The following MARCHF3 variants were observed in gnomAD, a reference collection of about 807,000 sequenced individuals.
MARCHF3 encodes membrane associated ring-CH-type finger 3, also known as E3 ubiquitin-protein ligase MARCHF3.
MARCHF3 carries 13 observed loss-of-function variants against 24.2 expected under a neutral mutation model. The ratio of observed to expected loss-of-function variants is 0.54; its 90% CI spans 0.35 to 0.85. The LOEUF (loss-of-function observed/expected upper bound fraction) is 0.85, where lower values mean the gene tolerates loss of function less well. MARCHF3 is among the 40% of genes least tolerant of loss of function. The probability of loss-of-function intolerance (pLI) is 0.01; values close to 1 mark genes in which losing one functional copy is unlikely to be tolerated. For missense variants in MARCHF3, 276 were observed against 325.0 expected (o/e 0.85, Z 1.16); for synonymous variants, 144 against 137.3 (o/e 1.05, Z -0.34).
chr5:126,989,639 G>A lies in MARCHF3; in HGVS notation c.-57+40711C>T, dbSNP rs1005546213. ...TTCCCTCAGCTGGGGAGTGAGATTT[G>A]TAGAGTGTTCAGCACTACTGTGATC... On this transcript the variant is annotated intron_variant, in intron 1 of 4. Transcript: ENST00000308660. Among the ~76,000 whole-genome samples the A allele has an allele frequency of 3.6e-4, 55 of 152,260 alleles. 1 individual carries two copies. Among genetic ancestry groups the A allele is most frequent in the African/African-American group, 1.3e-3 (55 of 41,550 alleles).
chr5:126,969,914 CA>C (rs1750941862), intron 1 of MARCHF3, among the ~76,000 whole-genome samples: 1 of 152,132 alleles, frequency 6.6e-6, no homozygotes, highest in South Asian at 2.1e-4. Context: ...GCTTACCAAA[CA>C]TTGACCAAGC....
intron 1 of MARCHF3, among the ~76,000 whole-genome samples, chr5:126,992,688 A>C (rs912826931): frequency 1.3e-5 from 2 of 151,476 alleles, no homozygotes; most frequent in African/African-American, 4.9e-5. Context: ...ATTACCATAG[A>C]ACTCTGACGA....
At chr5:126,889,025 A>G (rs530414538) in intron 3 of MARCHF3, among the ~76,000 whole-genome samples, 2 of 152,290 alleles carry the variant, frequency 1.3e-5, no homozygotes, top group African/African-American at 4.8e-5. Context: ...TTGGCCTCCC[A>G]AAGTGCTGGG....
chr5:126,906,349 T>C (rs1459392212), intron 3 of MARCHF3, among the ~76,000 whole-genome samples: 1 of 152,238 alleles, frequency 6.6e-6, no homozygotes, highest in Non-Finnish European at 1.5e-5. Context: ...TTAGGGAGGA[T>C]TCCCTCTTTG....
At chr5:126,985,848 T>C (rs980379437) in intron 1 of MARCHF3, among the ~76,000 whole-genome samples, 1 of 152,178 alleles carries the variant, frequency 6.6e-6, no homozygotes, top group Non-Finnish European at 1.5e-5. Context: ...GATTCTTAAA[T>C]ACACGTTTGC....
chr5:126,969,811 G>A (rs916199162), intron 1 of MARCHF3, among the ~76,000 whole-genome samples: 1 of 152,164 alleles, frequency 6.6e-6, no homozygotes, highest in African/African-American at 2.4e-5. Flanking sequence ...CCATTAATTT[G>A]CATTTCTAAT....
intron 1 of MARCHF3, among the ~76,000 whole-genome samples, chr5:126,982,680 TG>T (rs1208979272): frequency 6.6e-6 from 1 of 152,218 alleles, no homozygotes; most frequent in Non-Finnish European, 1.5e-5. Context: ...AATGGCTAGC[TG>T]TAACATCTGG....
At chr5:126,876,325 A>G (rs1414883599) in intron 4 of MARCHF3, among the ~76,000 whole-genome samples, 2 of 152,236 alleles carry the variant, frequency 1.3e-5, no homozygotes, top group African/African-American at 4.8e-5. Context: ...TCTTCTAAAA[A>G]AAATTATAGA....
chr5:126,997,417 T>C (rs1580719066), intron 1 of MARCHF3, among the ~76,000 whole-genome samples: 1 of 152,198 alleles, frequency 6.6e-6, no homozygotes, highest in East Asian at 1.9e-4. Context: ...AAAAACATGG[T>C]GGGCTTTTCA....
At chr5:127,026,098 A>T (rs1252159817) in intron 1 of MARCHF3, among the ~76,000 whole-genome samples, 1 of 138,922 alleles carries the variant, frequency 7.2e-6, no homozygotes, top group East Asian at 2.0e-4. Context: ...TGCCATAGCT[A>T]AAAAAAAAAA....
At chr5:126,926,914 T>G (rs1455641404) in intron 1 of MARCHF3, among the ~76,000 whole-genome samples, 1 of 152,074 alleles carries the variant, frequency 6.6e-6, no homozygotes, top group African/African-American at 2.4e-5. Context: ...ACCTTCCAGA[T>G]CCCACCTCTA....
chr5:126,879,944 A>T (rs553230623), intron 3 of MARCHF3, among the ~76,000 whole-genome samples: 29 of 152,210 alleles, frequency 1.9e-4, no homozygotes, highest in African/African-American at 6.7e-4. Flanking sequence ...CTTGCCAAAC[A>T]GGAGCACTGG....
chr5:126,923,345 A>G (rs1178447405), intron 1 of MARCHF3, among the ~76,000 whole-genome samples: 1 of 152,228 alleles, frequency 6.6e-6, no homozygotes, highest in Non-Finnish European at 1.5e-5. Flanking sequence ...CGACATTTTC[A>G]GTGCCAAGTC....
chr5:126,888,698 T>G (rs10040840), intron 3 of MARCHF3, among the ~76,000 whole-genome samples: 20,035 of 152,204 alleles, frequency 0.13, 3,328 homozygotes, highest in African/African-American at 0.39. Context: ...GTTTTTAGAA[T>G]AAATTGATAA....
intron 1 of MARCHF3, among the ~76,000 whole-genome samples, chr5:126,962,836 T>TGTGC (rs1554069034): frequency 3.7e-5 from 5 of 133,970 alleles, no homozygotes; most frequent in Non-Finnish European, 6.1e-5. Flanking sequence ...TGTGTGTGCG[T>TGTGC]GTGTGTGTGT....
At chr5:126,987,906 T>C (rs975545672) in intron 1 of MARCHF3, among the ~76,000 whole-genome samples, 7 of 152,120 alleles carry the variant, frequency 4.6e-5, no homozygotes, top group Non-Finnish European at 1.0e-4. Flanking sequence ...CAGAGGACTC[T>C]TGATCTATAA....
intron 1 of MARCHF3, among the ~76,000 whole-genome samples, chr5:126,955,142 A>G (rs1750397148): frequency 6.6e-6 from 1 of 152,230 alleles, no homozygotes; most frequent in Admixed American, 6.5e-5. Flanking sequence ...CACCATATTC[A>G]TTCATTCAAC....
At chr5:126,922,539 T>TATTTATTTATTA (rs1259699433) in intron 1 of MARCHF3, among the ~76,000 whole-genome samples, 12 of 150,532 alleles carry the variant, frequency 8.0e-5, no homozygotes, top group South Asian at 4.2e-4. Context: ...TTTATTTATT[T>TATTTATTTATTA]ATTTATTTAT....
chr5:126,998,983 G>A (rs181859481), intron 1 of MARCHF3, among the ~76,000 whole-genome samples: 13 of 152,290 alleles, frequency 8.5e-5, no homozygotes, highest in African/African-American at 3.1e-4. Context: ...AAAATCCAGA[G>A]AGGCTCCCAG....
Sources: allele counts gnomAD v4.1 joint callset (sites outside exome capture counted in the v4.1 genomes callset), GRCh38; gene constraint gnomAD v4.1.1; transcripts MANE v1.5; gene names NCBI Gene and HGNC (gene_info 2026-07-23, HGNC 2026-07-21).